The following MRTFA variants were observed in gnomAD, a reference collection of about 807,000 sequenced individuals.
MRTFA encodes the protein myocardin related transcription factor A, also known as myocardin-related transcription factor A.
Under a neutral mutation model 83.5 loss-of-function variants are expected in MRTFA, and 20 were observed. The observed-to-expected ratio is 0.24, with a 90% CI of 0.17 to 0.35. The LOEUF (loss-of-function observed/expected upper bound fraction) is 0.35, where lower values mean the gene tolerates loss of function less well. Ranked by LOEUF, MRTFA falls within the 10% of genes least tolerant of loss-of-function variation. MRTFA has a pLI of 1.00. For missense variants in MRTFA, 1,200 were observed against 1,224.7 expected, an observed-to-expected ratio of 0.98 and a Z score of 0.30; for synonymous variants, 659 against 541.2, an observed-to-expected ratio of 1.22 and a Z score of -3.02.
rs1490098233 is a variant in MRTFA at position 40,608,764 on chromosome 22, C to T, written c.-83-14029G>A. Among the ~76,000 whole-genome samples the T allele has an allele frequency of 4.6e-5, 7 of 152,270 alleles. No homozygotes were observed. In the East Asian group the frequency reaches 1.2e-3, roughly 25 times the overall value. ...GTGATGAAGATGGACAAGGTCCCTG[C>T]TCTTCTGCATAATAAAAATAAAAGT... On this transcript the variant is annotated intron_variant, in intron 1 of 14. Transcript: ENST00000355630.
At chr22:40,582,661 C>CACAT (rs893519027) in intron 2 of MRTFA, among the ~76,000 whole-genome samples, 3 of 143,452 alleles carry the variant, frequency 2.1e-5, no homozygotes, top group Admixed American at 6.8e-5. Flanking sequence ...ACTTTATACA[C>CACAT]ACATACACAC....
At chr22:40,418,322 G>C (rs139746346) in intron 12 of MRTFA, 52 bp downstream of exon 12, 2 of 1,583,746 alleles carry the variant, frequency 1.3e-6, no homozygotes, top group East Asian at 2.3e-5. Flanking sequence ...GTAGCGAGAC[G>C]CTCTTCCCAC....
rs780237124 is a variant in MRTFA at position 40,420,543 on chromosome 22, G to A, written c.1215C>T (p.Thr405=). The change falls in exon 11 of 15, where the codon ACC becomes ACT. Residue 405 remains threonine (T), a synonymous_variant. Coordinates refer to ENST00000355630, the MANE Select transcript of MRTFA (RefSeq NM_020831.6). ...TAGTGGAGAGGCTGCGTACTGGGGG[G>A]GTCCCGCTGCTTCCCAGGGCCTCGC... is the stretch of plus-strand genomic sequence containing the variant. 4 of 1,613,606 alleles carry A rather than the reference G, an allele frequency of 2.5e-6. No homozygotes were observed. The highest frequency in any genetic ancestry group is 1.7e-5 in the Admixed American group (1 of 60,030).
At chr22:40,475,825 A>G (rs909536981) in intron 3 of MRTFA, among the ~76,000 whole-genome samples, 1 of 152,246 alleles carries the variant, frequency 6.6e-6, no homozygotes, top group Non-Finnish European at 1.5e-5. Context: ...GATCTTTTCT[A>G]TGCAAGATAG....
intron 4 of MRTFA, among the ~76,000 whole-genome samples, chr22:40,448,952 T>A (rs1260093960): frequency 1.3e-5 from 2 of 152,128 alleles, no homozygotes; most frequent in Non-Finnish European, 2.9e-5. Context: ...TGCAAAAGCG[T>A]CAGCTGTCTT....
At chr22:40,484,325 T>C (rs928986011) in intron 3 of MRTFA, among the ~76,000 whole-genome samples, 1 of 152,162 alleles carries the variant, frequency 6.6e-6, no homozygotes, top group Admixed American at 6.5e-5. Flanking sequence ...TTAAACTTCA[T>C]GTAGTGTCTG....
chr22:40,455,136 A>G (rs1258763967), intron 4 of MRTFA, among the ~76,000 whole-genome samples: 1 of 152,188 alleles, frequency 6.6e-6, no homozygotes, highest in Non-Finnish European at 1.5e-5. Context: ...CAACTAGCCA[A>G]ATGTGACTAT....
chr22:40,415,713 C>T (rs2052663679), intron 14 of MRTFA, among the ~76,000 whole-genome samples: 1 of 152,084 alleles, frequency 6.6e-6, no homozygotes, highest in African/African-American at 2.4e-5. Flanking sequence ...ATCTGCCCTA[C>T]CTCCTTCTTC....
chr22:40,567,690 C>T (rs1317167786), intron 2 of MRTFA, among the ~76,000 whole-genome samples: 1 of 152,090 alleles, frequency 6.6e-6, no homozygotes, highest in Non-Finnish European at 1.5e-5. Context: ...ATAAAAAAAA[C>T]TATTTTTGAA....
At chr22:40,500,365 T>C (rs2054443137) in intron 3 of MRTFA, among the ~76,000 whole-genome samples, 2 of 149,690 alleles carry the variant, frequency 1.3e-5, no homozygotes, top group Non-Finnish European at 3.0e-5. Context: ...TTTTAACATT[T>C]CATTTTTTAT....
chr22:40,459,782 T>TACACACACACACACAC (rs745698441), intron 4 of MRTFA, among the ~76,000 whole-genome samples: 1 of 88,914 alleles, frequency 1.1e-5, no homozygotes, highest in South Asian at 4.9e-4. Context: ...TGATAAAATA[T>TACACACACACACACAC]ACACACACAC....
chr22:40,496,924 C>T (rs2054364619), intron 3 of MRTFA, among the ~76,000 whole-genome samples: 1 of 152,200 alleles, frequency 6.6e-6, no homozygotes, highest in African/African-American at 2.4e-5. Context: ...AAGGTGTCCT[C>T]TATCTCTAAA....
At chr22:40,449,024 G>T (rs2053436242) in intron 4 of MRTFA, among the ~76,000 whole-genome samples, 1 of 152,162 alleles carries the variant, frequency 6.6e-6, no homozygotes, top group East Asian at 1.9e-4. Flanking sequence ...CCAGGACTTT[G>T]GGAGGCCGAG....
chr22:40,484,795 G>A lies in MRTFA; in HGVS notation c.242-21509C>T, dbSNP rs752852904. ...CAGCTCAAAATCTAAAAGTAGAGGC[G>A]GGTGCGGTGGCTCACACCTGTAATC... On this transcript the variant is annotated intron_variant, in intron 3 of 14. Coordinates refer to ENST00000355630, the MANE Select transcript of MRTFA (RefSeq NM_020831.6). Among the ~76,000 whole-genome samples the A allele has an allele frequency of 1.3e-3, 196 of 152,108 alleles. 1 individual carries two copies. Among genetic ancestry groups the A allele is most frequent in the Middle Eastern group, 0.01 (3 of 294 alleles).
intron 1 of MRTFA, among the ~76,000 whole-genome samples, chr22:40,608,403 T>C (rs1312542871): frequency 6.6e-6 from 1 of 152,196 alleles, no homozygotes; most frequent in African/African-American, 2.4e-5. Context: ...ACGTAGCTGA[T>C]TAGTGACAGA....
intron 3 of MRTFA, among the ~76,000 whole-genome samples, chr22:40,535,122 G>C (rs2055145456): frequency 6.6e-6 from 1 of 152,106 alleles, no homozygotes; most frequent in Non-Finnish European, 1.5e-5. Flanking sequence ...CAGCCAGTGT[G>C]GGCTAAATGC....
chr22:40,596,193 A>C (rs1037522853), intron 1 of MRTFA, among the ~76,000 whole-genome samples: 1 of 152,138 alleles, frequency 6.6e-6, no homozygotes, highest in Non-Finnish European at 1.5e-5. Context: ...CTCAAAAAAA[A>C]ATAGCCTCTG....
chr22:40,424,491 G>T, intron 7 of MRTFA, 110 bp from the exon 8 acceptor site: 1 of 1,153,852 alleles, frequency 8.7e-7, no homozygotes, highest in African/African-American at 1.6e-5. Flanking sequence ...CAGCCCACAT[G>T]CCCCGTGAGG....
intron 3 of MRTFA, chr22:40,533,821 C>T (rs900298084): frequency 7.6e-6 from 3 of 395,330 alleles, no homozygotes; most frequent in African/African-American, 6.2e-5. Flanking sequence ...CAAGATGACA[C>T]AGATTTGAAT....
Sources: allele counts gnomAD v4.1 joint callset (sites outside exome capture counted in the v4.1 genomes callset), GRCh38; gene constraint gnomAD v4.1.1; transcripts MANE v1.5; gene names NCBI Gene and HGNC (gene_info 2026-07-23, HGNC 2026-07-21).